Variants in PRKN observed in about 807,000 individuals in gnomAD.
PRKN encodes the protein E3 ubiquitin-protein ligase parkin.
PRKN carries 56 observed loss-of-function variants against 59.5 expected under a neutral mutation model. The ratio of observed to expected loss-of-function variants is 0.94; its 90% CI spans 0.76 to 1.18. The LOEUF (loss-of-function observed/expected upper bound fraction) is 1.18. Among genes scored for constraint, PRKN ranks in the 50% most tolerant of loss-of-function variants. The probability of loss-of-function intolerance (pLI) is 0.00; values close to 1 mark genes in which losing one functional copy is unlikely to be tolerated. For synonymous variants in PRKN, 250 were observed against 222.1 expected, an observed-to-expected ratio of 1.13 and a Z score of -1.12; for missense variants, 657 against 596.4, an observed-to-expected ratio of 1.10 and a Z score of -1.06.
intron 7 of PRKN, among the ~76,000 whole-genome samples, chr6:161,699,819 A>G (rs1786177361): frequency 6.6e-6 from 1 of 152,156 alleles, no homozygotes; most frequent in Non-Finnish European, 1.5e-5. Flanking sequence ...CGATGTGTAC[A>G]TACAACAACA....
At chr6:161,962,521 T>C (rs1780417547) in intron 6 of PRKN, among the ~76,000 whole-genome samples, 1 of 151,416 alleles carries the variant, frequency 6.6e-6, no homozygotes, top group African/African-American at 2.4e-5. Flanking sequence ...GTCTCTTAGA[T>C]GCTTCAGGAA....
At chr6:162,666,818 T>C (rs1779122567) in intron 1 of PRKN, among the ~76,000 whole-genome samples, 1 of 151,868 alleles carries the variant, frequency 6.6e-6, no homozygotes. Flanking sequence ...ATAACCTGCA[T>C]ATTAAAATTT....
intron 1 of PRKN, among the ~76,000 whole-genome samples, chr6:162,484,786 C>T (rs747571579): frequency 1.3e-5 from 2 of 152,108 alleles, no homozygotes; most frequent in Non-Finnish European, 2.9e-5. Context: ...TGCTCATTTG[C>T]CTATTGGGCA....
intron 1 of PRKN, among the ~76,000 whole-genome samples, chr6:162,588,163 G>A (rs950155351): frequency 1.3e-5 from 2 of 151,356 alleles, no homozygotes; most frequent in Non-Finnish European, 2.9e-5. Flanking sequence ...GGTGCATGCC[G>A]CCATCCCTAA....
intron 7 of PRKN, among the ~76,000 whole-genome samples, chr6:161,572,752 T>C (rs1419849971): frequency 2.0e-5 from 3 of 152,174 alleles, no homozygotes; most frequent in African/African-American, 7.2e-5. Context: ...TCTGGTACTG[T>C]AGAGAAGGAA....
chr6:162,561,536 C>T (rs1290264238), intron 1 of PRKN, among the ~76,000 whole-genome samples: 1 of 152,054 alleles, frequency 6.6e-6, no homozygotes, highest in Non-Finnish European at 1.5e-5. Flanking sequence ...CACTTCATAT[C>T]CCTGAAAGAG....
At position 162,514,272 on chromosome 6, in the gene PRKN, CT is replaced by C. The variant is rs35258634; in HGVS notation, c.8-70800del. ...TTACCTTCCATCTTGTTGAAATTGA[CT>C]TTTTTTTTTTCTGAAAAAGTAAACT... is the stretch of plus-strand genomic sequence containing the variant. On this transcript the variant is annotated intron_variant, in intron 1 of 11. Transcript: ENST00000366898. 9.8e-4 allele frequency among the ~76,000 whole-genome samples: 145 copies of C among 148,588 alleles called. 1 individual carries two copies. Among genetic ancestry groups the C allele is most frequent in the Admixed American group, 3.2e-3 (47 of 14,920 alleles).
At position 162,727,723 on chromosome 6, in the gene PRKN, C is replaced by G. The variant is rs1249491775; in HGVS notation, c.-55G>C. On this transcript the variant is annotated 5_prime_UTR_variant, in exon 1 of 12. Transcript: ENST00000366898. Reference sequence around the variant, plus strand: ...AGGAACAGGCCCATGCGCGCAGCGGCGCCAGCCGCGCCTCCCACCAGCGGC... The same window carrying G: ...AGGAACAGGCCCATGCGCGCAGCGGGGCCAGCCGCGCCTCCCACCAGCGGC... 1 of 1,535,970 alleles carries G rather than the reference C, an allele frequency of 6.5e-7. No homozygotes were observed. The highest frequency in any genetic ancestry group is 2.5e-5 in the East Asian group (1 of 40,764).
intron 2 of PRKN, among the ~76,000 whole-genome samples, chr6:162,420,701 G>C (rs1788917272): frequency 6.6e-6 from 1 of 152,172 alleles, no homozygotes; most frequent in Non-Finnish European, 1.5e-5. Context: ...GATGAATGAA[G>C]GACTTGTAGC....
At chr6:161,931,586 T>C (rs1311097900) in intron 6 of PRKN, among the ~76,000 whole-genome samples, 1 of 152,200 alleles carries the variant, frequency 6.6e-6, no homozygotes, top group Admixed American at 6.5e-5. Context: ...TATTCTGTTA[T>C]AGTGACACAA....
rs578214867 is a variant in PRKN, at chr6:161,518,009, C to T, written c.1083+30845G>A. 4.6e-5 allele frequency among the ~76,000 whole-genome samples: 7 copies of T among 152,218 alleles called. No homozygotes were observed. In the East Asian group the frequency reaches 1.2e-3, roughly 25 times the overall value. ...GAAATCAAGAGGACTATTATTTCCT[C>T]GGGGAGACTGGCAGAAGTTGGCTGC... On this transcript the variant is annotated intron_variant, in intron 9 of 11. Coordinates refer to ENST00000366898, the MANE Select transcript of PRKN (RefSeq NM_004562.3). This position sits in a 1 kb window ranked among gnomAD's most constrained non-coding sequence, Gnocchi z 5.0.
At chr6:162,537,663 C>A (rs1778774680) in intron 1 of PRKN, among the ~76,000 whole-genome samples, 1 of 152,156 alleles carries the variant, frequency 6.6e-6, no homozygotes, top group Non-Finnish European at 1.5e-5. Context: ...CAGAATCAGA[C>A]AGAATGTGTG....
intron 7 of PRKN, among the ~76,000 whole-genome samples, chr6:161,571,900 A>G (rs940504065): frequency 6.6e-6 from 1 of 152,204 alleles, no homozygotes; most frequent in African/African-American, 2.4e-5. Flanking sequence ...TTTCTCTTCT[A>G]GAGCCTTAAA....
At chr6:161,506,126 A>T (rs972164476) in intron 9 of PRKN, among the ~76,000 whole-genome samples, 15 of 151,314 alleles carry the variant, frequency 9.9e-5, no homozygotes, top group African/African-American at 3.7e-4. Context: ...CAGTATGGCC[A>T]TTTTCACGAT....
At chr6:161,427,459 G>A (rs1676276810) in intron 9 of PRKN, among the ~76,000 whole-genome samples, 1 of 152,022 alleles carries the variant, frequency 6.6e-6, no homozygotes, top group African/African-American at 2.4e-5. Flanking sequence ...GACACAGCTG[G>A]GATTAGAACT....
At chr6:162,398,577 G>C (rs1173562424) in intron 2 of PRKN, among the ~76,000 whole-genome samples, 1 of 151,900 alleles carries the variant, frequency 6.6e-6, no homozygotes, top group African/African-American at 2.4e-5. Flanking sequence ...TTTTAGTAAA[G>C]ACTGGGTTTC....
chr6:162,036,141 A>G (rs908411863), intron 5 of PRKN, among the ~76,000 whole-genome samples: 6 of 151,536 alleles, frequency 4.0e-5, no homozygotes, highest in Non-Finnish European at 7.4e-5. Context: ...TGGCTAACAC[A>G]GTGAAACCCC....
rs75532503 is a variant in PRKN, at chr6:161,825,073, C to T, written c.735-39165G>A. On this transcript the variant is annotated intron_variant, in intron 6 of 11. Coordinates refer to ENST00000366898, the MANE Select transcript of PRKN (RefSeq NM_004562.3). ...ACTAAAAGGTACTTTTCAAAACCAT[C>T]AATAATAAAAATAAATTGTAATCGA... is the stretch of plus-strand genomic sequence containing the variant. 2.9e-3 allele frequency among the ~76,000 whole-genome samples: 434 copies of T among 152,052 alleles called. 3 individuals are homozygous for T. Among genetic ancestry groups the T allele is most frequent in the Admixed American group, 2.9e-3 (44 of 15,282 alleles).
At chr6:161,676,951 C>T (rs1182715018) in intron 7 of PRKN, among the ~76,000 whole-genome samples, 1 of 152,176 alleles carries the variant, frequency 6.6e-6, no homozygotes, top group Non-Finnish European at 1.5e-5. Context: ...CTAGAGTAAT[C>T]TGCGGTCTTT....
Sources: gnomAD v4.1 joint callset for allele counts (sites outside exome capture counted in the v4.1 genomes callset) on GRCh38, gnomAD v4.1.1 for gene constraint, Gnocchi (gnomAD v3.1) non-coding constraint, MANE v1.5 for transcripts, NCBI Gene and HGNC (gene_info 2026-07-23, HGNC 2026-07-21) for gene names.